TC2N: variants seen among roughly 807,000 people sequenced by gnomAD.
The protein encoded by TC2N is tandem C2 domains nuclear protein.
Under a neutral mutation model 61.9 loss-of-function variants are expected in TC2N, and 51 were observed. The observed-to-expected ratio is 0.82, with a 90% CI of 0.66 to 1.04. TC2N has a LOEUF of 1.04. TC2N is among the 50% of genes least tolerant of loss of function. TC2N has a pLI of 0.00. For missense variants in TC2N, 556 were observed against 566.7 expected, an observed-to-expected ratio of 0.98 and a Z score of 0.19; for synonymous variants, 204 against 192.6, an observed-to-expected ratio of 1.06 and a Z score of -0.49.
At chr14:91,864,691 A>G (rs1221427644) in intron 1 of TC2N, among the ~76,000 whole-genome samples, 3 of 152,166 alleles carry the variant, frequency 2.0e-5, no homozygotes, top group Admixed American at 1.3e-4. Flanking sequence ...GCCTTAAATC[A>G]ATGTTAATTA....
At chr14:91,813,856 G>T (rs1886888358) in intron 1 of TC2N, 31 bp from the exon 2 acceptor site, 2 of 837,744 alleles carry the variant, frequency 2.4e-6, no homozygotes, top group African/African-American at 1.7e-5. Context: ...AAGTTAACCT[G>T]CTTGTCATGC....
chr14:91,803,701 C>A (rs943906960), intron 3 of TC2N, among the ~76,000 whole-genome samples: 1 of 152,192 alleles, frequency 6.6e-6, no homozygotes, highest in Admixed American at 6.5e-5. Flanking sequence ...AAGTGATCCA[C>A]CGCCTCAGCC....
At chr14:91,819,106 T>C (rs983828820) in intron 1 of TC2N, among the ~76,000 whole-genome samples, 1 of 152,086 alleles carries the variant, frequency 6.6e-6, no homozygotes, top group Non-Finnish European at 1.5e-5. Context: ...AAAACAGTGA[T>C]GGGAAAATCT....
intron 8 of TC2N, among the ~76,000 whole-genome samples, chr14:91,797,168 A>G (rs1183308063): frequency 6.6e-6 from 1 of 152,076 alleles, no homozygotes; most frequent in African/African-American, 2.4e-5. Flanking sequence ...AAGAAACAGA[A>G]AGCAATACAC....
rs951353103 is a variant in TC2N at position 91,866,349 on chromosome 14, G to C, written c.-57+913C>G. The C allele has an allele frequency of 5.9e-5, 9 of 152,314 alleles. No homozygotes were observed. In the East Asian group the frequency reaches 1.5e-3, roughly 26 times the overall value. The allele number at this position is 152,314 out of a possible 1,614,324, so 9.4% of individuals were successfully genotyped here. A position where few individuals can be genotyped will look rare whatever the true frequency, so the allele number is the denominator to read the frequency against. ...TGAAGTATGTTACCCAAGCCTGAGAGGCAACAGGTAGGTGGATTTTGTGCC... is the reference window on the plus strand; with the variant it reads ...TGAAGTATGTTACCCAAGCCTGAGACGCAACAGGTAGGTGGATTTTGTGCC... On this transcript the variant is annotated intron_variant, in intron 1 of 11. Transcript: ENST00000435962.
Position 91,800,377 on chromosome 14 carries a change from A to G in TC2N, c.470-5T>C. ...TGTTCGTCCTTAAATCACAAACTAC[A>G]AAGGGATATGAGAAAAGTATATATT... On this transcript the variant is annotated splice_polypyrimidine_tract_variant and splice_region_variant and intron_variant, in intron 4 of 11. Transcript: ENST00000435962. 1 of 1,540,870 alleles carries G rather than the reference A, an allele frequency of 6.5e-7. No individual in the cohort carries two copies. Among genetic ancestry groups the G allele is most frequent in the African/African-American group, 1.4e-5 (1 of 72,928 alleles).
intron 1 of TC2N, among the ~76,000 whole-genome samples, chr14:91,836,711 G>T (rs1888040902): frequency 6.6e-6 from 1 of 152,204 alleles, no homozygotes; most frequent in African/African-American, 2.4e-5. Context: ...GCCGCGCTGC[G>T]CCTGCGTCCT....
intron 11 of TC2N, among the ~76,000 whole-genome samples, chr14:91,783,784 A>T (rs970910796): frequency 8.5e-5 from 13 of 152,118 alleles, no homozygotes; most frequent in African/African-American, 3.1e-4. Flanking sequence ...CATCACAATA[A>T]TTATATTATT....
intron 3 of TC2N, among the ~76,000 whole-genome samples, chr14:91,811,478 A>T (rs1886765674): frequency 6.6e-6 from 1 of 152,048 alleles, no homozygotes; most frequent in Non-Finnish European, 1.5e-5. Context: ...TAAAAAAACA[A>T]GACAAGAGCT....
Position 91,785,377 on chromosome 14 carries a change from T to C in TC2N, c.1163-16A>G, listed in dbSNP as rs1386025594. On this transcript the variant is annotated splice_polypyrimidine_tract_variant and intron_variant, in intron 10 of 11. Coordinates refer to ENST00000435962, the MANE Select transcript of TC2N (RefSeq NM_001128596.3). ...ACGAAAAAACCTAAAAAATTAGAAA[T>C]ATTGGTTTATAAAATGTTATTCAAA... The C allele has an allele frequency of 2.5e-6, 4 of 1,595,894 alleles. No homozygotes were observed. The highest frequency in any genetic ancestry group is 3.3e-4 in the Middle Eastern group (2 of 6,022).
At chr14:91,789,286 T>C (rs1005466022) in intron 9 of TC2N, among the ~76,000 whole-genome samples, 1 of 151,436 alleles carries the variant, frequency 6.6e-6, no homozygotes, top group African/African-American at 2.4e-5. Context: ...ATTCAGATCA[T>C]GAAAAACTGT....
At chr14:91,826,223 G>A (rs899597003) in intron 1 of TC2N, among the ~76,000 whole-genome samples, 3 of 151,816 alleles carry the variant, frequency 2.0e-5, no homozygotes, top group Non-Finnish European at 4.4e-5. Context: ...GGGAAGCTGA[G>A]GTGGGAGGAT....
chr14:91,863,290 A>T (rs1170756710), intron 1 of TC2N, among the ~76,000 whole-genome samples: 1 of 152,260 alleles, frequency 6.6e-6, no homozygotes, highest in Admixed American at 6.5e-5. Flanking sequence ...TGCCCAGCGC[A>T]GTAAGGCCAA....
chr14:91,802,776 G>A (rs113548399), intron 3 of TC2N, among the ~76,000 whole-genome samples: 171 of 150,706 alleles, frequency 1.1e-3, no homozygotes, highest in African/African-American at 4.0e-3. Flanking sequence ...TCAAGAAGAC[G>A]TAGAACATTT....
At chr14:91,787,405 T>C in intron 10 of TC2N, 108 bp downstream of exon 10, 1 of 637,300 alleles carries the variant, frequency 1.6e-6, no homozygotes, top group Non-Finnish European at 2.6e-6. Context: ...ATAAGTTAAA[T>C]AATAAAAGTT....
intron 1 of TC2N, among the ~76,000 whole-genome samples, chr14:91,816,048 T>C (rs1233601135): frequency 6.6e-6 from 1 of 151,830 alleles, no homozygotes; most frequent in Non-Finnish European, 1.5e-5. Context: ...AATTTTAAAT[T>C]GTTTCATCTT....
intron 11 of TC2N, among the ~76,000 whole-genome samples, chr14:91,784,879 A>T (rs1236822974): frequency 2.0e-5 from 3 of 152,194 alleles, no homozygotes; most frequent in African/African-American, 7.2e-5. Context: ...TTCCACAAGG[A>T]ACAAGTCAGT....
intron 1 of TC2N, among the ~76,000 whole-genome samples, chr14:91,856,194 A>AGAT (rs1428870099): frequency 6.6e-6 from 1 of 152,212 alleles, no homozygotes; most frequent in Non-Finnish European, 1.5e-5. Flanking sequence ...AAAGTATTCA[A>AGAT]GATACTTTTA....
At chr14:91,862,646 G>A (rs1888616436) in intron 1 of TC2N, among the ~76,000 whole-genome samples, 1 of 152,206 alleles carries the variant, frequency 6.6e-6, no homozygotes, top group African/African-American at 2.4e-5. Context: ...TTGCTGGAAG[G>A]AGCCACTTCC....
Sources: gnomAD v4.1 joint callset for allele counts (sites outside exome capture counted in the v4.1 genomes callset) on GRCh38, gnomAD v4.1.1 for gene constraint, MANE v1.5 for transcripts, NCBI Gene and HGNC (gene_info 2026-07-23, HGNC 2026-07-21) for gene names.